JAKMIP3: variants seen among roughly 807,000 people sequenced by gnomAD.
JAKMIP3 encodes the protein janus kinase and microtubule-interacting protein 3.
JAKMIP3 carries 58 observed loss-of-function variants against 118.5 expected under a neutral mutation model. The observed-to-expected ratio is 0.49, with a 90% CI of 0.40 to 0.61. The LOEUF (loss-of-function observed/expected upper bound fraction) is 0.61, where lower values mean the gene tolerates loss of function less well. Ranked by LOEUF, JAKMIP3 falls within the 20% of genes least tolerant of loss-of-function variation. JAKMIP3 has a pLI of 0.00. For missense variants in JAKMIP3, 950 were observed against 1,109.0 expected, an observed-to-expected ratio of 0.86 and a Z score of 2.04; for synonymous variants, 486 against 451.2, an observed-to-expected ratio of 1.08 and a Z score of -0.98.
At position 132,117,576 on chromosome 10, in the gene JAKMIP3, TACGTGGGCAGGCAGGGGCGG is replaced by T. The variant is rs1434844710; in HGVS notation, c.633+3_633+22del. Reference sequence around the variant, plus strand: ...TGCGAGCGGGAGATCCGCAGGCTGGTACGTGGGCAGGCAGGGGCGGGCGTGGGCGAGGGTGCAGGGGCGGG... The same window carrying T: ...TGCGAGCGGGAGATCCGCAGGCTGGTGCGTGGGCGAGGGTGCAGGGGCGGG... On this transcript the variant is annotated splice_donor_5th_base_variant and intron_variant, in intron 3 of 23. Transcript: ENST00000684848. This position sits in a 1 kb window ranked among gnomAD's most constrained non-coding sequence, Gnocchi z 8.6. 3 of 1,530,200 alleles carry T rather than the reference TACGTGGGCAGGCAGGGGCGG, an allele frequency of 2.0e-6. No homozygotes were observed. Among genetic ancestry groups the T allele is most frequent in the Non-Finnish European group, 2.6e-6 (3 of 1,136,538 alleles). The allele number at this position is 1,530,200 out of a possible 1,614,324, so 94.8% of individuals were successfully genotyped here.
intron 1 of JAKMIP3, among the ~76,000 whole-genome samples, chr10:132,045,365 C>T (rs1214186085): frequency 6.6e-6 from 1 of 152,124 alleles, no homozygotes; most frequent in Non-Finnish European, 1.5e-5. Context: ...GTCTCCCCGG[C>T]AGATTTTAAG....
intron 2 of JAKMIP3, among the ~76,000 whole-genome samples, chr10:132,115,892 C>T (rs2135299522): frequency 6.6e-6 from 1 of 152,360 alleles, no homozygotes; most frequent in East Asian, 1.9e-4. Context: ...TTGGCGACGT[C>T]ATCAATGAAG....
Position 132,117,613 on chromosome 10 carries a change from AGGGGCGGGCGTGGGC to A in JAKMIP3, c.633+41_633+55del. 1.1e-6 allele frequency: 1 copy of A among 874,626 alleles called. No individual in the cohort carries two copies. The highest frequency in any genetic ancestry group is 1.6e-6 in the Non-Finnish European group (1 of 610,424). 54.2% of individuals were successfully genotyped at this position (874,626 alleles called of 1,614,324 possible). A position where few individuals can be genotyped will look rare whatever the true frequency, so the allele number is the denominator to read the frequency against. ...CAGGGGCGGGCGTGGGCGAGGGTGC[AGGGGCGGGCGTGGGC>A]GAGGGTGCAGGGGCGGGCGTGGGCG... On this transcript the variant is annotated intron_variant, in intron 3 of 23. Transcript: ENST00000684848. This position sits in a 1 kb window ranked among gnomAD's most constrained non-coding sequence, Gnocchi z 8.6.
In JAKMIP3 at chr10:132,083,381, G is replaced by A. The variant is rs113818870; in HGVS notation, c.-138+17320G>A. On this transcript the variant is annotated intron_variant, in intron 1 of 23. Coordinates refer to ENST00000684848, the MANE Select transcript of JAKMIP3 (RefSeq NM_001323087.2). Reference sequence around the variant, plus strand: ...TCTTAGCCCACTCTTTGATGGGTTCGTTTTTTTCTTGCTAATTTGTTTGAG... The same window carrying A: ...TCTTAGCCCACTCTTTGATGGGTTCATTTTTTTCTTGCTAATTTGTTTGAG... 2.4e-3 allele frequency among the ~76,000 whole-genome samples: 359 copies of A among 152,032 alleles called. 5 individuals carry two copies. Among genetic ancestry groups the A allele is most frequent in the African/African-American group, 8.1e-3 (337 of 41,490 alleles).
rs1381869188 is a variant in JAKMIP3, at chr10:132,079,165, C to T, written c.-138+13104C>T. 2.6e-5 allele frequency among the ~76,000 whole-genome samples: 4 copies of T among 152,228 alleles called. No homozygotes were observed. The East Asian group carries it at 7.7e-4, about 29-fold the overall frequency. On this transcript the variant is annotated intron_variant, in intron 1 of 23. Coordinates refer to ENST00000684848, the MANE Select transcript of JAKMIP3 (RefSeq NM_001323087.2). ...GGCCTGGGAGCGGACGGCCCAGCCC[C>T]ACAGCGCTGGGGTCTGTGGACCCCG...
intron 2 of JAKMIP3, among the ~76,000 whole-genome samples, chr10:132,107,780 G>A (rs915053776): frequency 6.6e-6 from 1 of 152,206 alleles, no homozygotes; most frequent in Admixed American, 6.5e-5. Flanking sequence ...GCCTGTCGAC[G>A]GCATCCAGGC....
intron 2 of JAKMIP3, among the ~76,000 whole-genome samples, chr10:132,107,424 C>T (rs764744430): frequency 6.6e-6 from 1 of 152,174 alleles, no homozygotes; most frequent in Non-Finnish European, 1.5e-5. Flanking sequence ...AGGGCTGCAA[C>T]CCAGACCCGC....
chr10:132,111,794 A>C (rs1481185101), intron 2 of JAKMIP3, among the ~76,000 whole-genome samples: 1 of 152,088 alleles, frequency 6.6e-6, no homozygotes, highest in Admixed American at 6.5e-5. Context: ...TTATATATTT[A>C]AAATATTTTG....
chr10:132,155,797 G>A (rs563998694), intron 19 of JAKMIP3, among the ~76,000 whole-genome samples: 1 of 152,344 alleles, frequency 6.6e-6, no homozygotes, highest in South Asian at 2.1e-4. Flanking sequence ...CAGGTTGCCA[G>A]CTGTTCTTCC....
At chr10:132,131,002 CGGG>C (rs770243608) in intron 3 of JAKMIP3, among the ~76,000 whole-genome samples, 1 of 150,080 alleles carries the variant, frequency 6.7e-6, no homozygotes. Context: ...GCAGGCAAGT[CGGG>C]GGCGGGCAGA....
chr10:132,177,365 CGT>C (rs1220863371), intron 23 of JAKMIP3, among the ~76,000 whole-genome samples: 4 of 152,234 alleles, frequency 2.6e-5, no homozygotes, highest in Non-Finnish European at 5.9e-5. Flanking sequence ...AGTGTGCGCA[CGT>C]GTGTGCACAC....
rs368539160 is a variant in JAKMIP3, at chr10:132,135,142, G to A, written c.951G>A (p.Ser317=). 4.3e-5 allele frequency: 69 copies of A among 1,609,474 alleles called. No homozygotes were observed. The highest frequency in any genetic ancestry group is 5.3e-5 in the Non-Finnish European group (62 of 1,176,890). The change falls in exon 5 of 24, where the codon TCG becomes TCA. Residue 317 remains serine, a synonymous_variant. Coordinates refer to ENST00000684848, the MANE Select transcript of JAKMIP3 (RefSeq NM_001323087.2). ...RKLEDRNALL[S]EERNELLKRV... ...TGGAGGACCGCAATGCATTGCTGTC[G>A]GAAGAGAGGAATGAGCTGGTGAGCG... is the stretch of plus-strand genomic sequence containing the variant.
chr10:132,148,267 T>C (rs915756255), intron 14 of JAKMIP3, among the ~76,000 whole-genome samples: 1 of 152,096 alleles, frequency 6.6e-6, no homozygotes, highest in Non-Finnish European at 1.5e-5. Context: ...TGGAGCTCAG[T>C]GTCAGGCAGG....
chr10:132,150,996 C>T (rs779698815), intron 16 of JAKMIP3, among the ~76,000 whole-genome samples: 1 of 152,156 alleles, frequency 6.6e-6, no homozygotes, highest in Non-Finnish European at 1.5e-5. Flanking sequence ...CTCCATCCTC[C>T]ATCTGTCCTC....
At chr10:132,103,132 A>G (rs1053857744) in intron 1 of JAKMIP3, among the ~76,000 whole-genome samples, 1 of 151,998 alleles carries the variant, frequency 6.6e-6, no homozygotes, top group Non-Finnish European at 1.5e-5. Flanking sequence ...ACTGCCCTGT[A>G]ACAGGTGACA....
chr10:132,056,937 C>G (rs1029158195), intron 1 of JAKMIP3, among the ~76,000 whole-genome samples: 2 of 152,172 alleles, frequency 1.3e-5, no homozygotes, highest in African/African-American at 4.8e-5. Flanking sequence ...AGCTCCCGCC[C>G]TGGGTTCCAG....
intron 1 of JAKMIP3, among the ~76,000 whole-genome samples, chr10:132,102,704 T>TA (rs1402345216): frequency 2.0e-5 from 3 of 152,304 alleles, no homozygotes; most frequent in East Asian, 3.9e-4. Context: ...CGTGGAAGTC[T>TA]ACTTGGCTGC....
At chr10:132,072,498 G>T (rs114456943) in intron 1 of JAKMIP3, among the ~76,000 whole-genome samples, 43 of 152,216 alleles carry the variant, frequency 2.8e-4, no homozygotes, top group African/African-American at 1.0e-3. Flanking sequence ...TCGTACCATA[G>T]CACTCCAACC....
intron 1 of JAKMIP3, among the ~76,000 whole-genome samples, chr10:132,076,161 C>T (rs1033465918): frequency 6.6e-6 from 1 of 152,188 alleles, no homozygotes; most frequent in East Asian, 1.9e-4. Flanking sequence ...AGTCACTCCC[C>T]ACCCCTCCCT....
Sources: gnomAD v4.1 joint callset for allele counts (sites outside exome capture counted in the v4.1 genomes callset) on GRCh38, gnomAD v4.1.1 for gene constraint, Gnocchi (gnomAD v3.1) non-coding constraint, MANE v1.5 for transcripts, NCBI Gene and HGNC (gene_info 2026-07-23, HGNC 2026-07-21) for gene names.